Variants in STK39 observed in about 807,000 individuals in gnomAD.
The protein encoded by STK39 is STE20/SPS1-related proline-alanine-rich protein kinase.
Under a neutral mutation model 77.8 loss-of-function variants are expected in STK39, and 20 were observed. The observed-to-expected ratio is 0.26, with a 90% confidence interval of 0.18 to 0.37. The LOEUF (loss-of-function observed/expected upper bound fraction) is 0.37, where lower values mean the gene tolerates loss of function less well. STK39 is among the 10% of genes least tolerant of loss of function. STK39 has a pLI of 1.00. For synonymous variants in STK39, 246 were observed against 234.1 expected (o/e 1.05, Z -0.47); for missense variants, 479 against 656.5 (o/e 0.73, Z 2.95).
chr2:168,134,354 T>A (rs147421576), intron 8 of STK39, among the ~76,000 whole-genome samples: 1 of 152,146 alleles, frequency 6.6e-6, no homozygotes, highest in African/African-American at 2.4e-5. Flanking sequence ...GAATATGATA[T>A]AGTTTAAATA....
intron 16 of STK39, among the ~76,000 whole-genome samples, chr2:168,009,454 A>T (rs1424379242): frequency 6.6e-6 from 1 of 152,226 alleles, no homozygotes; most frequent in African/African-American, 2.4e-5. Flanking sequence ...AATTACCTGG[A>T]TCCACTTTTT....
chr2:168,222,018 A>T (rs2271740), intron 1 of STK39, among the ~76,000 whole-genome samples: 5 of 152,072 alleles, frequency 3.3e-5, no homozygotes, highest in Non-Finnish European at 5.9e-5. Context: ...CCCACATGGC[A>T]CCTTGAACTA....
chr2:168,137,943 C>T (rs891315814), intron 8 of STK39, 145 bp downstream of exon 8: 16 of 1,133,476 alleles, frequency 1.4e-5, no homozygotes, highest in Non-Finnish European at 1.9e-5. Context: ...CTTTCACTAA[C>T]AGGTTGGAAA....
intron 1 of STK39, among the ~76,000 whole-genome samples, chr2:168,234,381 A>T (rs1690543546): frequency 6.6e-6 from 1 of 152,238 alleles, no homozygotes; most frequent in South Asian, 2.1e-4. Context: ...ATTAATTTAA[A>T]TGTAAATAGC....
At chr2:167,998,877 C>T (rs7565986) in intron 16 of STK39, among the ~76,000 whole-genome samples, 116,967 of 152,178 alleles carry the variant, frequency 0.77, 45,164 homozygotes, top group African/African-American at 0.83. Context: ...CTCAGTCAAA[C>T]GAAAATCAAA....
intron 3 of STK39, among the ~76,000 whole-genome samples, chr2:168,166,951 G>C (rs1249836167): frequency 6.6e-6 from 1 of 152,076 alleles, no homozygotes; most frequent in Non-Finnish European, 1.5e-5. Context: ...TTTTAGGCCT[G>C]AGCACATGGA....
At chr2:167,996,953 T>A (rs991613411) in intron 16 of STK39, among the ~76,000 whole-genome samples, 4 of 151,102 alleles carry the variant, frequency 2.6e-5, no homozygotes, top group African/African-American at 9.7e-5. Context: ...TAAGAGAGGG[T>A]CATTGCAGTT....
At chr2:168,065,873 C>T (rs1011345481) in intron 12 of STK39, among the ~76,000 whole-genome samples, 2 of 152,114 alleles carry the variant, frequency 1.3e-5, no homozygotes, top group East Asian at 1.9e-4. Context: ...AGGATAGTTG[C>T]ATTTTTAAAA....
chr2:168,081,752 G>C (rs1335515825), intron 10 of STK39, among the ~76,000 whole-genome samples: 1 of 152,130 alleles, frequency 6.6e-6, no homozygotes, highest in Non-Finnish European at 1.5e-5. Flanking sequence ...AACCCGGTGG[G>C]AGGTAATTGA....
At chr2:168,004,742 A>G (rs1473997666) in intron 16 of STK39, among the ~76,000 whole-genome samples, 1 of 151,530 alleles carries the variant, frequency 6.6e-6, no homozygotes, top group Non-Finnish European at 1.5e-5. Context: ...CAAAAAAAAA[A>G]AAAAAAAATT....
intron 1 of STK39, among the ~76,000 whole-genome samples, chr2:168,210,591 C>G (rs1381820802): frequency 2.6e-5 from 4 of 152,214 alleles, no homozygotes; most frequent in Non-Finnish European, 4.4e-5. Flanking sequence ...ATGATCTTAG[C>G]TCCCTGCAAC....
intron 5 of STK39, among the ~76,000 whole-genome samples, chr2:168,161,275 T>C (rs2105584008): frequency 6.6e-6 from 1 of 152,322 alleles, no homozygotes; most frequent in East Asian, 1.9e-4. Context: ...TGATATTGTG[T>C]GTTCATGTAA....
intron 2 of STK39, among the ~76,000 whole-genome samples, chr2:168,177,971 A>G (rs995379617): frequency 2.0e-5 from 3 of 152,176 alleles, no homozygotes; most frequent in Non-Finnish European, 4.4e-5. Context: ...CCAACCCAAA[A>G]CAAAAATGAA....
chr2:168,223,247 T>A (rs1286007705), intron 1 of STK39, among the ~76,000 whole-genome samples: 2 of 152,108 alleles, frequency 1.3e-5, no homozygotes, highest in Non-Finnish European at 2.9e-5. Context: ...CAGTGGCTCA[T>A]GCCTATAATC....
At chr2:168,025,689 G>A (rs1176263885) in intron 14 of STK39, among the ~76,000 whole-genome samples, 1 of 152,164 alleles carries the variant, frequency 6.6e-6, no homozygotes, top group African/African-American at 2.4e-5. Context: ...GAAAATTGTT[G>A]TACTTAATGA....
chr2:168,059,624 C>A (rs1020990267), intron 14 of STK39, among the ~76,000 whole-genome samples: 2 of 152,162 alleles, frequency 1.3e-5, no homozygotes, highest in Admixed American at 6.5e-5. Context: ...GATGAGCATG[C>A]CGCAATTTCA....
At chr2:168,177,729 G>C (rs937578445) in intron 2 of STK39, among the ~76,000 whole-genome samples, 4 of 152,182 alleles carry the variant, frequency 2.6e-5, no homozygotes, top group Non-Finnish European at 5.9e-5. Flanking sequence ...TCACAAACCA[G>C]AGAGCCAAGC....
chr2:168,060,805 T>C (rs1208682656), intron 14 of STK39, among the ~76,000 whole-genome samples: 1 of 152,212 alleles, frequency 6.6e-6, no homozygotes, highest in Non-Finnish European at 1.5e-5. Context: ...TTGTTGCTGG[T>C]TGAACAACTG....
intron 10 of STK39, among the ~76,000 whole-genome samples, chr2:168,090,615 C>G (rs908215471): frequency 6.6e-6 from 1 of 152,196 alleles, no homozygotes; most frequent in Admixed American, 6.5e-5. Flanking sequence ...ACTACTAGTG[C>G]ACAACAGGTA....
Sources: gnomAD v4.1 joint callset for allele counts (sites outside exome capture counted in the v4.1 genomes callset) on GRCh38, gnomAD v4.1.1 for gene constraint, MANE v1.5 for transcripts, NCBI Gene and HGNC (gene_info 2026-07-23, HGNC 2026-07-21) for gene names.